CCSER1: variants seen among roughly 807,000 people sequenced by gnomAD.
The protein encoded by CCSER1 is serine-rich coiled-coil domain-containing protein 1.
Under a neutral mutation model 82.0 loss-of-function variants are expected in CCSER1, and 41 were observed. That is an observed-to-expected ratio of 0.50 (90% CI 0.39 to 0.65). The LOEUF (loss-of-function observed/expected upper bound fraction) is 0.65, where lower values mean the gene tolerates loss of function less well. CCSER1 is among the 30% of genes least tolerant of loss of function. The probability of loss-of-function intolerance (pLI) is 0.00; values close to 1 mark genes in which losing one functional copy is unlikely to be tolerated. For synonymous variants in CCSER1, 414 were observed against 383.9 expected (o/e 1.08, Z -0.92); for missense variants, 1,119 against 1,064.2 (o/e 1.05, Z -0.72).
intron 10 of CCSER1, among the ~76,000 whole-genome samples, chr4:91,421,513 T>A: frequency 6.6e-6 from 1 of 152,188 alleles, no homozygotes; most frequent in Non-Finnish European, 1.5e-5. Context: ...ACTAATTTTT[T>A]GTTATATGGA....
chr4:91,571,550 G>A (rs757861373), intron 10 of CCSER1, among the ~76,000 whole-genome samples: 1 of 152,072 alleles, frequency 6.6e-6, no homozygotes, highest in Non-Finnish European at 1.5e-5. Flanking sequence ...ATGCCAGCAG[G>A]GTAAATGCCA....
chr4:90,416,521 T>C (rs1360990874), intron 4 of CCSER1, among the ~76,000 whole-genome samples: 1 of 152,170 alleles, frequency 6.6e-6, no homozygotes, highest in Non-Finnish European at 1.5e-5. Context: ...TCTCAAAATA[T>C]AATCCTATCT....
At chr4:90,724,742 G>T in intron 7 of CCSER1, 1 of 317,724 alleles carries the variant, frequency 3.1e-6, no homozygotes, top group Non-Finnish European at 6.3e-6. Flanking sequence ...TTTCAGTATA[G>T]TTTGGTTTAA....
intron 10 of CCSER1, among the ~76,000 whole-genome samples, chr4:91,110,679 T>G (rs898150763): frequency 2.0e-5 from 3 of 152,196 alleles, no homozygotes; most frequent in Admixed American, 6.5e-5. Context: ...GAGAACAATG[T>G]TTTATTCAAC....
chr4:90,631,676 G>C (rs1293435390), intron 6 of CCSER1, among the ~76,000 whole-genome samples: 1 of 151,972 alleles, frequency 6.6e-6, no homozygotes, highest in Non-Finnish European at 1.5e-5. Context: ...TAATTCCTTG[G>C]AAAGTTCTAC....
At chr4:90,605,202 C>T (rs1443043518) in intron 5 of CCSER1, among the ~76,000 whole-genome samples, 2 of 152,062 alleles carry the variant, frequency 1.3e-5, no homozygotes, top group African/African-American at 2.4e-5. Flanking sequence ...TAACAAACTC[C>T]GGACATAGCA....
intron 10 of CCSER1, among the ~76,000 whole-genome samples, chr4:91,153,244 CT>C (rs1198455694): frequency 6.6e-6 from 1 of 151,926 alleles, no homozygotes; most frequent in Non-Finnish European, 1.5e-5. Flanking sequence ...TCTCTTCTCA[CT>C]TCATTTCATT....
At chr4:90,376,402 T>C (rs1005252945) in intron 3 of CCSER1, among the ~76,000 whole-genome samples, 1 of 152,214 alleles carries the variant, frequency 6.6e-6, no homozygotes, top group Middle Eastern at 3.2e-3. Flanking sequence ...ACATAGAAGA[T>C]AGATTTGCCC....
At chr4:90,636,381 G>A (rs1468889782) in intron 6 of CCSER1, among the ~76,000 whole-genome samples, 1 of 151,636 alleles carries the variant, frequency 6.6e-6, no homozygotes, top group African/African-American at 2.4e-5. Flanking sequence ...CTTGTTTTAT[G>A]TGGCCAACAT....
At chr4:90,271,862 ATTTTTTTTTTTTTTTTTTT>A (rs1176154331) in intron 1 of CCSER1, among the ~76,000 whole-genome samples, 17 of 21,744 alleles carry the variant, frequency 7.8e-4, no homozygotes, top group African/African-American at 4.1e-3. Flanking sequence ...ATATATATAT[ATTTTTTTTTTTTTTTTTTT>A]TTTTTTTTTA....
chr4:90,812,510 C>T (rs1758481194), intron 7 of CCSER1, among the ~76,000 whole-genome samples: 1 of 152,066 alleles, frequency 6.6e-6, no homozygotes, highest in Non-Finnish European at 1.5e-5. Context: ...GTGAAAGGCA[C>T]AATTGTTACA....
chr4:91,026,518 A>G (rs1740503918), intron 9 of CCSER1, among the ~76,000 whole-genome samples: 1 of 152,128 alleles, frequency 6.6e-6, no homozygotes, highest in Non-Finnish European at 1.5e-5. Context: ...TCATGGTCTT[A>G]TGATTCCATC....
intron 10 of CCSER1, among the ~76,000 whole-genome samples, chr4:91,274,111 T>C (rs1328232505): frequency 1.3e-5 from 2 of 152,214 alleles, no homozygotes; most frequent in Non-Finnish European, 2.9e-5. Flanking sequence ...TAATACACTA[T>C]CTTAGATTTG....
At chr4:90,297,794 A>G (rs1282149804) in intron 1 of CCSER1, among the ~76,000 whole-genome samples, 2 of 152,022 alleles carry the variant, frequency 1.3e-5, no homozygotes, top group Non-Finnish European at 2.9e-5. Context: ...GCTGGATTAC[A>G]TTTATTGATT....
chr4:90,319,722 T>C (rs1736792666), intron 3 of CCSER1, among the ~76,000 whole-genome samples: 1 of 152,218 alleles, frequency 6.6e-6, no homozygotes, highest in Non-Finnish European at 1.5e-5. Flanking sequence ...TTAATGAGAC[T>C]TTCCAGTATG....
intron 10 of CCSER1, among the ~76,000 whole-genome samples, chr4:91,092,411 G>T (rs112751654): frequency 3.0e-4 from 45 of 152,158 alleles, no homozygotes; most frequent in Non-Finnish European, 1.3e-4. Flanking sequence ...GTAAATACTT[G>T]TTACCTCTGC....
intron 10 of CCSER1, among the ~76,000 whole-genome samples, chr4:91,127,220 T>C (rs1332685659): frequency 6.6e-6 from 1 of 152,046 alleles, no homozygotes; most frequent in East Asian, 1.9e-4. Context: ...TGAATGCCTA[T>C]GATTCAGAAA....
chr4:90,846,400 AT>A (rs1211146419), intron 8 of CCSER1, among the ~76,000 whole-genome samples: 4 of 152,194 alleles, frequency 2.6e-5, no homozygotes, highest in Non-Finnish European at 4.4e-5. Context: ...GATCTATTTA[AT>A]ATTGTTATAG....
intron 6 of CCSER1, among the ~76,000 whole-genome samples, chr4:90,657,236 T>C (rs1047484028): frequency 2.0e-5 from 3 of 152,136 alleles, no homozygotes; most frequent in African/African-American, 7.2e-5. Flanking sequence ...TAAAAAAATC[T>C]GTTTGCAGTT....
Sources: gnomAD v4.1 joint callset for allele counts (sites outside exome capture counted in the v4.1 genomes callset) on GRCh38, gnomAD v4.1.1 for gene constraint, MANE v1.5 for transcripts, NCBI Gene and HGNC (gene_info 2026-07-23, HGNC 2026-07-21) for gene names.